TNIK: variants seen among roughly 807,000 people sequenced by gnomAD.
The protein encoded by TNIK is TRAF2 and NCK-interacting protein kinase.
Under a neutral mutation model 191.3 loss-of-function variants are expected in TNIK, and 49 were observed. The observed-to-expected ratio is 0.26, with a 90% CI of 0.20 to 0.32. The LOEUF (loss-of-function observed/expected upper bound fraction) is 0.32. Among genes scored for constraint, TNIK ranks in the 10% least tolerant of loss-of-function variants. TNIK has a pLI of 1.00. For missense variants in TNIK, 1,155 were observed against 1,702.3 expected (o/e 0.68, Z 5.66); for synonymous variants, 594 against 600.9 (o/e 0.99, Z 0.17).
intron 2 of TNIK, among the ~76,000 whole-genome samples, chr3:171,247,113 G>A (rs1172437741): frequency 2.6e-5 from 4 of 152,196 alleles, no homozygotes; most frequent in East Asian, 3.8e-4. Flanking sequence ...CCTGTGTCAC[G>A]TAAGGAGTAC....
At chr3:171,330,250 A>G (rs1242844644) in intron 2 of TNIK, among the ~76,000 whole-genome samples, 3 of 152,168 alleles carry the variant, frequency 2.0e-5, no homozygotes, top group African/African-American at 7.2e-5. Flanking sequence ...TGAGTCTTAG[A>G]CAGCAAAATA....
intron 2 of TNIK, among the ~76,000 whole-genome samples, chr3:171,351,773 C>A (rs547181505): frequency 2.0e-4 from 30 of 152,156 alleles, no homozygotes; most frequent in Non-Finnish European, 4.0e-4. Context: ...CTTCACTTAT[C>A]CAAATGTGTG....
chr3:171,231,088 G>C (rs755531148), intron 2 of TNIK, among the ~76,000 whole-genome samples: 11 of 152,156 alleles, frequency 7.2e-5, no homozygotes, highest in Non-Finnish European at 1.5e-4. Flanking sequence ...TTGTTACAAG[G>C]ACACCTCAAC....
chr3:171,254,174 C>T (rs754633073), intron 2 of TNIK, among the ~76,000 whole-genome samples: 1 of 152,168 alleles, frequency 6.6e-6, no homozygotes, highest in Non-Finnish European at 1.5e-5. Flanking sequence ...CAAAGACCTT[C>T]CATACCTCAT....
chr3:171,240,574 G>A (rs752372626), intron 2 of TNIK, among the ~76,000 whole-genome samples: 2 of 151,918 alleles, frequency 1.3e-5, no homozygotes, highest in Admixed American at 6.6e-5. Context: ...TCCCCGACTC[G>A]CCCACATTGC....
At position 171,125,961 on chromosome 3, in the gene TNIK, T is replaced by A. The variant is rs1397087110; in HGVS notation, c.1964A>T (p.Lys655Met). ...ENPPLPTRIE[K>M]FDRSSWLRQE... is the part of the protein sequence containing the mutation. ...TCGTAACCAAGAGCTTCGGTCAAAC[T>A]TTTCAATGCGAGTGGGGAGAGGAGG... The change falls in exon 17 of 33, where the codon AAG (lysine) becomes ATG (methionine). Residue 655 changes from lysine (K) to methionine (M), a missense_variant. Physicochemically the swap from Lys to Met is moderately conservative, Grantham distance 95 (BLOSUM62 -1). Around this residue, in one of 3 missense-constraint regions of TNIK, gnomAD observed 735 missense variants for 848.0 expected, o/e 0.87. Transcript: ENST00000436636. 6.2e-7 allele frequency: 1 copy of A among 1,613,978 alleles called. No individual in the cohort carries two copies. The highest frequency in any genetic ancestry group is 1.1e-5 in the South Asian group (1 of 91,074).
chr3:171,391,514 T>G (rs927133570), intron 1 of TNIK, among the ~76,000 whole-genome samples: 1 of 152,236 alleles, frequency 6.6e-6, no homozygotes, highest in South Asian at 2.1e-4. Context: ...ATAAACAAAA[T>G]TGACTGTAAT....
intron 2 of TNIK, among the ~76,000 whole-genome samples, chr3:171,349,877 T>G (rs974172061): frequency 6.6e-6 from 1 of 152,212 alleles, no homozygotes; most frequent in Non-Finnish European, 1.5e-5. Flanking sequence ...GGGCTTTTTT[T>G]GTATGTCTTA....
chr3:171,342,981 C>T (rs909140070), intron 2 of TNIK, among the ~76,000 whole-genome samples: 1 of 152,168 alleles, frequency 6.6e-6, no homozygotes. Context: ...GTAAGACATG[C>T]CTTTGCTCCT....
chr3:171,285,220 TTTTC>T (rs2108212696), intron 2 of TNIK, among the ~76,000 whole-genome samples: 1 of 152,360 alleles, frequency 6.6e-6, no homozygotes, highest in African/African-American at 2.4e-5. Flanking sequence ...GATAAAACTG[TTTTC>T]TTTATAAATT....
chr3:171,358,375 A>C (rs1356222029), intron 2 of TNIK, among the ~76,000 whole-genome samples: 1 of 152,190 alleles, frequency 6.6e-6, no homozygotes, highest in African/African-American at 2.4e-5. Flanking sequence ...CACATCTTAC[A>C]TGGTGCAGAC....
chr3:171,113,398 G>A (rs1726161870), intron 18 of TNIK, among the ~76,000 whole-genome samples: 1 of 152,140 alleles, frequency 6.6e-6, no homozygotes, highest in African/African-American at 2.4e-5. Context: ...GAGGTCAGGA[G>A]ATCGAGACCA....
intron 1 of TNIK, among the ~76,000 whole-genome samples, chr3:171,372,564 C>T (rs1716651924): frequency 6.6e-6 from 1 of 152,162 alleles, no homozygotes; most frequent in South Asian, 2.1e-4. Flanking sequence ...CTAGGACAGC[C>T]CTGGAGAATT....
At position 171,217,400 on chromosome 3, in the gene TNIK, G is replaced by T. The variant is rs557852658; in HGVS notation, c.181-6159C>A. Among the ~76,000 whole-genome samples, 16 of 152,188 alleles carry T rather than the reference G, an allele frequency of 1.1e-4. No homozygotes were observed. The East Asian group carries it at 3.1e-3, about 29-fold the overall frequency. The stretch of plus-strand genomic sequence containing the variant: ...CAATAGACACTGGGACTACTAGACT[G>T]GGGAGAGAAGTGGACAAGAGTTAAA... On this transcript the variant is annotated intron_variant, in intron 3 of 32. Transcript: ENST00000436636.
chr3:171,084,132 A>G, intron 26 of TNIK, 23 bp downstream of exon 26: 1 of 1,493,598 alleles, frequency 6.7e-7, no homozygotes, highest in South Asian at 1.4e-5. Flanking sequence ...TTAAAAAAAA[A>G]AAAAAAAAAA....
rs567613421 is a variant in TNIK at position 171,183,756 on chromosome 3, A to T, written c.639+4946T>A. Among the ~76,000 whole-genome samples the T allele has an allele frequency of 3.0e-4, 45 of 152,118 alleles. No individual in the cohort carries two copies. In the East Asian group the frequency reaches 6.2e-3, roughly 21 times the overall value. ...GCCAACACAGTGAAACCCTGTCTCT[A>T]CTAAAAACACAAAAATTCACTGGGC... On this transcript the variant is annotated intron_variant, in intron 7 of 32. Coordinates refer to ENST00000436636, the MANE Select transcript of TNIK (RefSeq NM_015028.4).
intron 7 of TNIK, among the ~76,000 whole-genome samples, chr3:171,183,856 G>A (rs1431124589): frequency 6.8e-6 from 1 of 147,902 alleles, no homozygotes. Context: ...AGGAGGCAGA[G>A]GTTGCAGTGA....
intron 2 of TNIK, among the ~76,000 whole-genome samples, chr3:171,333,587 A>G (rs1756636771): frequency 7.9e-6 from 1 of 126,178 alleles, no homozygotes; most frequent in African/African-American, 5.0e-5. Context: ...AAAGAAAGAA[A>G]AAAAAAAAAA....
chr3:171,460,369 T>G lies in TNIK; in HGVS notation c.-306A>C. 2.1e-6 allele frequency: 1 copy of G among 473,012 alleles called. No homozygotes were observed. The highest frequency in any genetic ancestry group is 3.8e-6 in the Non-Finnish European group (1 of 262,970). 29.3% of individuals were successfully genotyped at this position (473,012 alleles called of 1,614,324 possible). A position where few individuals can be genotyped will look rare whatever the true frequency, so the allele number is the denominator to read the frequency against. On this transcript the variant is annotated 5_prime_UTR_variant, in exon 1 of 33. Coordinates refer to ENST00000436636, the MANE Select transcript of TNIK (RefSeq NM_015028.4). The surrounding 1 kb of genome is among the most constrained non-coding windows in gnomAD (Gnocchi z 6.8). ...GTGTATTTAAATGGGACATGCTTCT[T>G]TGCTTGTGCGTGGATGGCGGCTGCA...
Sources: gnomAD v4.1 joint callset for allele counts (sites outside exome capture counted in the v4.1 genomes callset) on GRCh38, gnomAD v4.1.1 for gene constraint, gnomAD v4.1.1 regional missense constraint, Gnocchi (gnomAD v3.1) non-coding constraint, MANE v1.5 for transcripts, NCBI Gene and HGNC (gene_info 2026-07-23, HGNC 2026-07-21) for gene names.